Variants in RANBP17 observed in about 807,000 individuals in gnomAD.
The protein encoded by RANBP17 is ran-binding protein 17.
RANBP17 carries 158 observed loss-of-function variants against 141.2 expected under a neutral mutation model. That is an observed-to-expected ratio of 1.12 (90% confidence interval 0.98 to 1.28). The LOEUF (loss-of-function observed/expected upper bound fraction) is 1.28, where lower values mean the gene tolerates loss of function less well. Among genes scored for constraint, RANBP17 ranks in the 50% most tolerant of loss-of-function variants. The pLI, the probability that RANBP17 is intolerant of heterozygous loss-of-function variation, is 0.00. For synonymous variants in RANBP17, 430 were observed against 450.0 expected (o/e 0.96, Z 0.56); for missense variants, 1,438 against 1,290.7 (o/e 1.11, Z -1.75).
intron 22 of RANBP17, among the ~76,000 whole-genome samples, chr5:171,239,469 G>T (rs548600802): frequency 2.6e-5 from 4 of 152,054 alleles, no homozygotes; most frequent in Non-Finnish European, 5.9e-5. Context: ...TAATACTTTT[G>T]GAATGGATAA....
In RANBP17 at chr5:171,240,510, C is replaced by T. The variant is rs199616752; in HGVS notation, c.2423-418C>T. Among the ~76,000 whole-genome samples, 32 of 151,936 alleles carry T rather than the reference C, an allele frequency of 2.1e-4. 1 individual carries two copies. The highest frequency in any genetic ancestry group is 7.3e-4 in the African/African-American group (30 of 41,376). On this transcript the variant is annotated intron_variant, in intron 22 of 27. Transcript: ENST00000523189. ...TTCATATAAAAGGTCAAAAATTTGC[C>T]GAGAATTTAGGGTAATTTACATCTC...
intron 12 of RANBP17, among the ~76,000 whole-genome samples, chr5:170,936,192 T>C (rs1773862089): frequency 6.6e-6 from 1 of 152,174 alleles, no homozygotes; most frequent in African/African-American, 2.4e-5. Flanking sequence ...GTGCCGTCTG[T>C]CACAGCTTCC....
chr5:171,133,173 C>T (rs1040033144), intron 14 of RANBP17, among the ~76,000 whole-genome samples: 2 of 152,088 alleles, frequency 1.3e-5, no homozygotes, highest in Non-Finnish European at 2.9e-5. Flanking sequence ...CTTGAGCCAC[C>T]GCGCCCGGCT....
chr5:171,226,889 T>C (rs1763914368), intron 22 of RANBP17, among the ~76,000 whole-genome samples: 1 of 152,248 alleles, frequency 6.6e-6, no homozygotes, highest in Non-Finnish European at 1.5e-5. Flanking sequence ...GTGTTTTTTA[T>C]AAATTGAAGG....
intron 11 of RANBP17, among the ~76,000 whole-genome samples, chr5:170,921,887 C>T (rs1163020094): frequency 2.6e-5 from 4 of 152,178 alleles, no homozygotes; most frequent in Admixed American, 1.3e-4. Flanking sequence ...GGCTGCAGTC[C>T]TTTGGAGGAG....
intron 12 of RANBP17, among the ~76,000 whole-genome samples, chr5:170,945,071 C>T (rs1317193690): frequency 1.3e-5 from 2 of 152,122 alleles, no homozygotes; most frequent in East Asian, 3.9e-4. Flanking sequence ...ATATCCCTAG[C>T]ACAGAACATG....
chr5:170,898,449 G>C (rs948979771), intron 5 of RANBP17, among the ~76,000 whole-genome samples: 5 of 152,108 alleles, frequency 3.3e-5, no homozygotes, highest in East Asian at 1.9e-4. Context: ...TGGATAGATT[G>C]CAAAAATTTT....
intron 18 of RANBP17, among the ~76,000 whole-genome samples, chr5:171,195,490 C>T (rs1207567703): frequency 6.6e-6 from 1 of 152,226 alleles, no homozygotes; most frequent in Non-Finnish European, 1.5e-5. Flanking sequence ...TGACTAAAAA[C>T]GTAAACATTT....
chr5:171,050,261 A>C (rs1782869441), intron 14 of RANBP17, among the ~76,000 whole-genome samples: 1 of 152,074 alleles, frequency 6.6e-6, no homozygotes, highest in Non-Finnish European at 1.5e-5. Context: ...CTTCAAATGG[A>C]TTTTTCATGA....
intron 13 of RANBP17, among the ~76,000 whole-genome samples, chr5:170,964,401 TTTATTA>T (rs1367239335): frequency 6.6e-6 from 1 of 152,112 alleles, no homozygotes; most frequent in Non-Finnish European, 1.5e-5. Flanking sequence ...TGTTGTTAAT[TTTATTA>T]TTATTATACT....
intron 25 of RANBP17, among the ~76,000 whole-genome samples, chr5:171,283,719 CA>C (rs1276098143): frequency 1.3e-5 from 2 of 152,182 alleles, no homozygotes; most frequent in Non-Finnish European, 2.9e-5. Context: ...GAACCCTAAG[CA>C]GTGTGCATAT....
intron 22 of RANBP17, among the ~76,000 whole-genome samples, chr5:171,227,925 G>T (rs1158770618): frequency 6.6e-6 from 1 of 152,146 alleles, no homozygotes; most frequent in Non-Finnish European, 1.5e-5. Context: ...CACTGTTGAA[G>T]CCTACTGCTC....
At chr5:171,236,706 T>C (rs1764566071) in intron 22 of RANBP17, among the ~76,000 whole-genome samples, 1 of 152,170 alleles carries the variant, frequency 6.6e-6, no homozygotes. Context: ...TGCCAGCTAC[T>C]TTACATATGC....
chr5:171,059,248 T>A (rs1460816604), intron 14 of RANBP17, among the ~76,000 whole-genome samples: 1 of 152,290 alleles, frequency 6.6e-6, no homozygotes, highest in East Asian at 1.9e-4. Flanking sequence ...CATGCCTATG[T>A]CCTGAATGGT....
chr5:171,242,850 A>G, intron 24 of RANBP17, 30 bp downstream of exon 24: 1 of 1,604,830 alleles, frequency 6.2e-7, no homozygotes. Context: ...TTGTTTCCAT[A>G]GGAAAAACTT....
At chr5:171,263,365 G>A (rs889184406) in intron 24 of RANBP17, among the ~76,000 whole-genome samples, 2 of 152,174 alleles carry the variant, frequency 1.3e-5, no homozygotes, top group African/African-American at 4.8e-5. Flanking sequence ...AAAAATGTGG[G>A]TGGTGTCATG....
intron 14 of RANBP17, among the ~76,000 whole-genome samples, chr5:171,056,543 T>A (rs1034387079): frequency 2.6e-5 from 4 of 152,112 alleles, no homozygotes; most frequent in Non-Finnish European, 5.9e-5. Flanking sequence ...CAGATACCAA[T>A]AACACCAATA....
At chr5:171,223,368 TTATGCCTGTA>T (rs1188421466) in intron 22 of RANBP17, among the ~76,000 whole-genome samples, 1 of 152,106 alleles carries the variant, frequency 6.6e-6, no homozygotes, top group Non-Finnish European at 1.5e-5. Context: ...GCACAGTGGT[TTATGCCTGTA>T]ATCCCAGCAC....
rs74944628 is a variant in RANBP17, at chr5:171,093,169, C to T, written c.1711-76961C>T. 4.0e-4 allele frequency among the ~76,000 whole-genome samples: 60 copies of T among 150,836 alleles called. 3 individuals are homozygous for T. The East Asian group carries it at 0.011, about 27-fold the overall frequency. On this transcript the variant is annotated intron_variant, in intron 14 of 27. Transcript: ENST00000523189. ...AGGTTCCAGTGAGCCAGGATCACAC[C>T]GTTGCACTCCAGACTGGACAATAGC...
Sources: allele counts gnomAD v4.1 joint callset (sites outside exome capture counted in the v4.1 genomes callset), GRCh38; gene constraint gnomAD v4.1.1; transcripts MANE v1.5; gene names NCBI Gene and HGNC (gene_info 2026-07-23, HGNC 2026-07-21).